Variants in HTT observed in about 807,000 individuals in gnomAD.
HTT encodes huntingtin, also known as huntington disease protein.
HTT carries 104 observed loss-of-function variants against 362.3 expected under a neutral mutation model. The ratio of observed to expected loss-of-function variants is 0.29; its 90% CI spans 0.24 to 0.34. The LOEUF (loss-of-function observed/expected upper bound fraction) is 0.34, where lower values mean the gene tolerates loss of function less well. Among genes scored for constraint, HTT ranks in the 10% least tolerant of loss-of-function variants. HTT has a pLI of 1.00. For missense variants in HTT, 3,301 were observed against 3,928.6 expected, an observed-to-expected ratio of 0.84 and a Z score of 4.27; for synonymous variants, 1,577 against 1,548.7, an observed-to-expected ratio of 1.02 and a Z score of -0.43.
intron 54 of HTT, 52 bp downstream of exon 54, chr4:3,222,539 A>G (rs750839919): frequency 7.4e-7 from 1 of 1,356,612 alleles, no homozygotes; most frequent in Non-Finnish European, 1.0e-6. Context: ...GGCCGCTTGC[A>G]GGCCTTTGGT....
Position 3,121,264 on chromosome 4 carries a change from G to A in HTT, c.1105G>A (p.Asp369Asn), listed in dbSNP as rs776604857. ...ELTLHHTQHQ[D>N]HNVVTGALEL... is the part of the protein sequence containing the mutation. The stretch of plus-strand genomic sequence containing the variant: ...GACGTTACATCATACACAGCACCAA[G>A]ACCACAATGTTGTGACCGGAGCCCT... Residue 369 changes from aspartate (D) to asparagine (N), a missense_variant, in exon 9 of 67, where the codon GAC becomes AAC. Coordinates refer to ENST00000355072, the MANE Select transcript of HTT (RefSeq NM_001388492.1). The A allele has an allele frequency of 6.2e-7, 1 of 1,614,126 alleles. No individual in the cohort carries two copies. Among genetic ancestry groups the A allele is most frequent in the South Asian group, 1.1e-5 (1 of 91,068 alleles).
At chr4:3,130,070 G>A (rs780221263) in intron 13 of HTT, 23 bp downstream of exon 13, 13 of 1,565,788 alleles carry the variant, frequency 8.3e-6, no homozygotes, top group Admixed American at 6.0e-5. Flanking sequence ...CAGGTGATGC[G>A]CTACAAAGTG....
In HTT at chr4:3,241,086, C is replaced by G. The variant is rs1236394081; in HGVS notation, c.*1027C>G. The G allele has an allele frequency of 6.6e-6, 1 of 152,538 alleles. No individual in the cohort carries two copies. Among genetic ancestry groups the G allele is most frequent in the African/African-American group, 2.4e-5 (1 of 41,442 alleles). The allele number at this position is 152,538 out of a possible 1,614,324, so 9.4% of individuals were successfully genotyped here. Reference sequence around the variant, plus strand: ...CTCCCACTCCTGTTCCTTGCTAGCCCTGGGGTGGCGTCTGCCTAGGAGCTG... The same window carrying G: ...CTCCCACTCCTGTTCCTTGCTAGCCGTGGGGTGGCGTCTGCCTAGGAGCTG... On this transcript the variant is annotated 3_prime_UTR_variant, in exon 67 of 67. Transcript: ENST00000355072.
chr4:3,133,913 G>A (rs1715944662), intron 18 of HTT, among the ~76,000 whole-genome samples: 1 of 152,162 alleles, frequency 6.6e-6, no homozygotes, highest in Non-Finnish European at 1.5e-5. Flanking sequence ...TGTCAGCCAT[G>A]CATGTGATGG....
At chr4:3,155,080 G>A (rs1000389966) in intron 27 of HTT, among the ~76,000 whole-genome samples, 1 of 151,910 alleles carries the variant, frequency 6.6e-6, no homozygotes, top group African/African-American at 2.4e-5. Flanking sequence ...CTGCTATCTG[G>A]GACGCCTGGC....
At chr4:3,159,187 C>G (rs1717317761) in intron 28 of HTT, among the ~76,000 whole-genome samples, 1 of 152,198 alleles carries the variant, frequency 6.6e-6, no homozygotes, top group Admixed American at 6.5e-5. Flanking sequence ...TTCCTTTTGT[C>G]TTCCCTGGTT....
At chr4:3,187,511 C>T (rs966615307) in intron 38 of HTT, 140 bp from the exon 39 acceptor site, 2 of 651,444 alleles carry the variant, frequency 3.1e-6, no homozygotes, top group Non-Finnish European at 5.4e-6. Flanking sequence ...TCTGGGAGCA[C>T]ACTTTGGGAC....
chr4:3,113,887 C>T (rs1380863381), intron 6 of HTT, among the ~76,000 whole-genome samples: 1 of 151,892 alleles, frequency 6.6e-6, no homozygotes, highest in African/African-American at 2.4e-5. Context: ...TAACAGTGTC[C>T]AGAGGTGCCG....
chr4:3,078,179 G>T (rs28377140), intron 1 of HTT, among the ~76,000 whole-genome samples: 1 of 152,206 alleles, frequency 6.6e-6, no homozygotes, highest in African/African-American at 2.4e-5. Context: ...GCTTCTGGCA[G>T]TTTCTTATTC....
Position 3,127,816 on chromosome 4 carries a change from T to G in HTT, c.1743+212T>G, listed in dbSNP as rs565483577. On this transcript the variant is annotated intron_variant, in intron 12 of 66. Transcript: ENST00000355072. Reference sequence around the variant, plus strand: ...CTGTCTCTACTAAAAATACAAAAATTAGTTGGGCGTGGTGGCACATGTCTG... The same window carrying G: ...CTGTCTCTACTAAAAATACAAAAATGAGTTGGGCGTGGTGGCACATGTCTG... Among the ~76,000 whole-genome samples, 5 of 151,510 alleles carry G rather than the reference T, an allele frequency of 3.3e-5. No individual in the cohort carries two copies. In the East Asian group the frequency reaches 8.0e-4, roughly 24 times the overall value.
At position 3,211,937 on chromosome 4, in the gene HTT, C is replaced by G; in HGVS notation, c.6423C>G (p.Asn2141Lys). ...TAATGCTCTGATTTCAGGAGTTCAA[C>G]CTAAGCCTGCTAGCTCCATGCTTAA... ...MNAFMMNSEF[N>K]LSLLAPCLSL... The change falls in exon 48 of 67, where the codon AAC becomes AAG. Residue 2141 changes from asparagine (N) to lysine (K), a missense_variant. Asn to Lys is a moderately conservative substitution (Grantham distance 94). Transcript: ENST00000355072. 6.2e-7 allele frequency: 1 copy of G among 1,613,752 alleles called. No individual in the cohort carries two copies. The highest frequency in any genetic ancestry group is 8.5e-7 in the Non-Finnish European group (1 of 1,179,648).
chr4:3,115,263 G>A, intron 6 of HTT, 41 bp from the exon 7 acceptor site: 3 of 1,594,842 alleles, frequency 1.9e-6, no homozygotes, highest in Non-Finnish European at 2.6e-6. Context: ...AAGCTTCATA[G>A]GAGCTTCATC....
At position 3,115,348 on chromosome 4, in the gene HTT, C is replaced by T. The variant is rs768334951; in HGVS notation, c.792C>T (p.Pro264=). 5.6e-6 allele frequency: 9 copies of T among 1,614,044 alleles called. No homozygotes were observed. The highest frequency in any genetic ancestry group is 3.3e-4 in the Middle Eastern group (2 of 6,084). Residue 264 remains proline, a synonymous_variant, in exon 7 of 67, where the codon CCC becomes CCT. Coordinates refer to ENST00000355072, the MANE Select transcript of HTT (RefSeq NM_001388492.1). ...TAGCGAACCTGAAGTCAAGCTCCCCCACCATTCGGCGGACAGCGGCTGGAT... is the reference window on the plus strand; with the variant it reads ...TAGCGAACCTGAAGTCAAGCTCCCCTACCATTCGGCGGACAGCGGCTGGAT... ...AFIANLKSSS[P]TIRRTAAGSA...
chr4:3,228,687 G>A lies in HTT; in HGVS notation c.7921G>A (p.Glu2641Lys). ...GGAGGAGGAATGGGACGAGGAAGAG[G>A]AGGAGGAGGCCGACGCCCCTGCACC... is the stretch of plus-strand genomic sequence containing the variant. Reference protein sequence around the residue: ...LREEEWDEEEEEEADAPAPSS... With the variant: ...LREEEWDEEEKEEADAPAPSS... Residue 2641 changes from glutamate to lysine, a missense_variant, in exon 58 of 67, where the codon GAG becomes AAG. Glu to Lys is a moderately conservative substitution (Grantham distance 56, BLOSUM62 1). This residue lies in a region of HTT where 753 missense variants were observed against 1,021.3 expected (regional missense o/e 0.74). Coordinates refer to ENST00000355072, the MANE Select transcript of HTT (RefSeq NM_001388492.1). This position sits in a 1 kb window ranked among gnomAD's most constrained non-coding sequence, Gnocchi z 4.3. 1 of 1,595,086 alleles carries A rather than the reference G, an allele frequency of 6.3e-7. No individual in the cohort carries two copies.
chr4:3,189,386 G>A (rs893451914), intron 40 of HTT, among the ~76,000 whole-genome samples: 2 of 152,154 alleles, frequency 1.3e-5, no homozygotes, highest in African/African-American at 2.4e-5. Context: ...AGTGTCCCTC[G>A]ATGGATGAAT....
At chr4:3,131,193 T>G (rs363067) in intron 14 of HTT, 93 bp from the exon 15 acceptor site, 50,240 of 968,776 alleles carry the variant, frequency 0.052, 1,699 homozygotes, top group African/African-American at 0.13. Flanking sequence ...AGCACCTGGC[T>G]TAAGTGCTGC....
chr4:3,232,485 C>T (rs779830793), intron 60 of HTT, among the ~76,000 whole-genome samples: 7 of 152,070 alleles, frequency 4.6e-5, no homozygotes, highest in Non-Finnish European at 8.8e-5. Flanking sequence ...GTGTTTAGGT[C>T]GATATTTAAC....
In HTT at chr4:3,240,366, C is replaced by T. The variant is rs1035721323; in HGVS notation, c.*307C>T. ...CCTGATAGTCACCTGCTGGTTGTTG[C>T]CAGGTTGCAGCTGCTCTTGCATCTG... On this transcript the variant is annotated 3_prime_UTR_variant, in exon 67 of 67. Transcript: ENST00000355072. 3 of 434,942 alleles carry T rather than the reference C, an allele frequency of 6.9e-6. No individual in the cohort carries two copies. The highest frequency in any genetic ancestry group is 6.0e-5 in the African/African-American group (3 of 49,770). 26.9% of individuals were successfully genotyped at this position (434,942 alleles called of 1,614,324 possible). A position where few individuals can be genotyped will look rare whatever the true frequency, so the allele number is the denominator to read the frequency against.
At chr4:3,154,690 C>A (rs1020458040) in intron 27 of HTT, among the ~76,000 whole-genome samples, 1 of 152,224 alleles carries the variant, frequency 6.6e-6, no homozygotes, top group African/African-American at 2.4e-5. Context: ...GCATCACTCT[C>A]CTATGCTTCC....
Sources: allele counts gnomAD v4.1 joint callset (sites outside exome capture counted in the v4.1 genomes callset), GRCh38; gene constraint gnomAD v4.1.1; regional missense constraint gnomAD v4.1.1; non-coding constraint Gnocchi (gnomAD v3.1); transcripts MANE v1.5; gene names NCBI Gene and HGNC (gene_info 2026-07-23, HGNC 2026-07-21).